The following LGSN variants were observed in gnomAD, a reference collection of about 807,000 sequenced individuals.
LGSN encodes the protein lengsin, lens protein with glutamine synthetase domain, also known as lengsin.
In LGSN, 21 loss-of-function variants were observed where a neutral mutation model predicts 19.5. The observed-to-expected ratio is 1.07, with a 90% confidence interval of 0.76 to 1.55. LGSN has a LOEUF of 1.55. Among genes scored for constraint, LGSN ranks in the 40% most tolerant of loss-of-function variants. The pLI is 0.00. For missense variants in LGSN, 673 were observed against 608.5 expected (o/e 1.11, Z -1.12); for synonymous variants, 257 against 215.6 (o/e 1.19, Z -1.68).
At chr6:63,340,432 G>A in the LGSN span, among the ~76,000 whole-genome samples, 10 of 152,076 alleles carry the variant, frequency 6.6e-5, no homozygotes, top group Non-Finnish European at 1.5e-4. Flanking sequence ...TGTCCTACAT[G>A]TAACATAGGC....
the LGSN span, among the ~76,000 whole-genome samples, chr6:63,518,131 G>A: frequency 7.1e-6 from 1 of 139,994 alleles, no homozygotes; most frequent in Admixed American, 7.5e-5. Flanking sequence ...TCCAGCCTGG[G>A]CAACACAGTG....
the LGSN span, among the ~76,000 whole-genome samples, chr6:63,570,289 C>T: frequency 2.4e-4 from 36 of 152,282 alleles, 1 homozygote; most frequent in African/African-American, 6.0e-4. Flanking sequence ...AAAGATTGCA[C>T]CACTGTGCTC....
the LGSN span, among the ~76,000 whole-genome samples, chr6:63,369,273 A>G: frequency 6.6e-6 from 1 of 152,228 alleles, no homozygotes. Context: ...TGACTAATAA[A>G]TATACCAGGA....
At chr6:63,559,792 T>C in the LGSN span, among the ~76,000 whole-genome samples, 1 of 151,952 alleles carries the variant, frequency 6.6e-6, no homozygotes, top group Non-Finnish European at 1.5e-5. Flanking sequence ...TGGTCGTTCA[T>C]GCATATAATA....
At chr6:63,471,808 A>G in the LGSN span, among the ~76,000 whole-genome samples, 1 of 152,220 alleles carries the variant, frequency 6.6e-6, no homozygotes, top group Admixed American at 6.5e-5. Flanking sequence ...GGAGTTGGGC[A>G]TCTGGGGGGT....
chr6:63,533,234 T>A, the LGSN span, among the ~76,000 whole-genome samples: 1 of 152,020 alleles, frequency 6.6e-6, no homozygotes, highest in South Asian at 2.1e-4. Context: ...ATACAAAAAT[T>A]AGCCAGATGT....
the LGSN span, among the ~76,000 whole-genome samples, chr6:63,512,555 G>A: frequency 2.0e-5 from 3 of 152,080 alleles, no homozygotes; most frequent in Non-Finnish European, 2.9e-5. Flanking sequence ...AATTAGCTCC[G>A]TTGGCCACAG....
the LGSN span, among the ~76,000 whole-genome samples, chr6:63,424,327 C>A: frequency 5.9e-5 from 9 of 152,014 alleles, no homozygotes; most frequent in Admixed American, 5.9e-4. Context: ...AAATTGAATT[C>A]ATAATTTTAA....
At chr6:63,372,784 A>T in the LGSN span, among the ~76,000 whole-genome samples, 97 of 152,338 alleles carry the variant, frequency 6.4e-4, 1 homozygote, top group African/African-American at 2.2e-3. Flanking sequence ...CTAATAAAAA[A>T]GAAAAAAACA....
the LGSN span, among the ~76,000 whole-genome samples, chr6:63,506,836 G>C: frequency 6.6e-6 from 1 of 152,150 alleles, no homozygotes; most frequent in African/African-American, 2.4e-5. Flanking sequence ...TAGGGAGTCT[G>C]GTTTGCCCAC....
At chr6:63,336,224 G>A in the LGSN span, among the ~76,000 whole-genome samples, 3 of 152,066 alleles carry the variant, frequency 2.0e-5, no homozygotes, top group Admixed American at 1.3e-4. Context: ...TTTTTAAAGA[G>A]CTAGAAGAGA....
chr6:63,305,672 C>T (rs1768355144), intron 1 of LGSN, among the ~76,000 whole-genome samples: 1 of 152,126 alleles, frequency 6.6e-6, no homozygotes, highest in Admixed American at 6.6e-5. Flanking sequence ...GCTCCAGAGT[C>T]GCTCTGAACC....
At chr6:63,358,822 A>AT in the LGSN span, among the ~76,000 whole-genome samples, 1 of 151,908 alleles carries the variant, frequency 6.6e-6, no homozygotes, top group Non-Finnish European at 1.5e-5. Context: ...AATACCCTTT[A>AT]TTTTTTTCTC....
At chr6:63,351,971 A>G in the LGSN span, among the ~76,000 whole-genome samples, 5 of 152,292 alleles carry the variant, frequency 3.3e-5, no homozygotes, top group East Asian at 7.7e-4. Context: ...CCAATGTATA[A>G]AGAAAGAATT....
chr6:63,350,678 G>A, the LGSN span, among the ~76,000 whole-genome samples: 3 of 151,842 alleles, frequency 2.0e-5, no homozygotes, highest in Admixed American at 6.6e-5. Context: ...ATGGTGAAAC[G>A]CTCTCTCTAC....
chr6:63,497,269 C>T, the LGSN span, among the ~76,000 whole-genome samples: 6 of 152,200 alleles, frequency 3.9e-5, no homozygotes, highest in East Asian at 1.2e-3. Context: ...AATATTAGGG[C>T]TGAGTGCAGT....
At chr6:63,397,538 A>G in the LGSN span, among the ~76,000 whole-genome samples, 2 of 152,068 alleles carry the variant, frequency 1.3e-5, no homozygotes, top group Non-Finnish European at 2.9e-5. Context: ...TTGGTTGTCA[A>G]TTTTAAAGAA....
At chr6:63,398,388 C>T in the LGSN span, among the ~76,000 whole-genome samples, 3 of 151,760 alleles carry the variant, frequency 2.0e-5, no homozygotes, top group African/African-American at 7.3e-5. Flanking sequence ...ATGACTCTGA[C>T]CCTGTGTAGG....
the LGSN span, among the ~76,000 whole-genome samples, chr6:63,412,677 GA>G: frequency 8.3e-6 from 1 of 120,876 alleles, no homozygotes; most frequent in African/African-American, 3.5e-5. Flanking sequence ...AGGAAAGGAA[GA>G]AAGAAAGAAA....
Sources: allele counts gnomAD v4.1 joint callset (sites outside exome capture counted in the v4.1 genomes callset), GRCh38; gene constraint gnomAD v4.1.1; transcripts MANE v1.5; gene names NCBI Gene and HGNC (gene_info 2026-07-23, HGNC 2026-07-21).